The following PCDH15 variants were observed in gnomAD, a reference collection of about 807,000 sequenced individuals.
PCDH15 encodes the protein protocadherin-15.
A neutral mutation model predicts 178.5 loss-of-function variants in PCDH15; 129 were observed. The ratio of observed to expected loss-of-function variants is 0.72; its 90% CI spans 0.63 to 0.84. PCDH15 has a LOEUF of 0.84. Ranked by LOEUF, PCDH15 falls within the 40% of genes least tolerant of loss-of-function variation. The pLI is 0.00. For missense variants in PCDH15, 2,230 were observed against 2,099.9 expected, an observed-to-expected ratio of 1.06 and a Z score of -1.21; for synonymous variants, 800 against 732.0, an observed-to-expected ratio of 1.09 and a Z score of -1.50.
chr10:54,980,953 G>C (rs927174922), intron 2 of PCDH15, among the ~76,000 whole-genome samples: 1 of 151,776 alleles, frequency 6.6e-6, no homozygotes, highest in African/African-American at 2.4e-5. Context: ...TTTAAAACAT[G>C]TATAAAATGA....
chr10:54,779,901 T>C (rs915466838), intron 1 of PCDH15, among the ~76,000 whole-genome samples: 3 of 152,074 alleles, frequency 2.0e-5, no homozygotes, highest in South Asian at 2.1e-4. Context: ...CCAGAAAAGA[T>C]CCTTTTATGA....
At chr10:53,923,635 A>G (rs1352850015) in intron 25 of PCDH15, among the ~76,000 whole-genome samples, 2 of 152,194 alleles carry the variant, frequency 1.3e-5, no homozygotes, top group Admixed American at 1.3e-4. Context: ...TTCCACATAC[A>G]AGCCCTTTAT....
intron 2 of PCDH15, among the ~76,000 whole-genome samples, chr10:55,063,411 C>T (rs1841487486): frequency 6.6e-6 from 1 of 152,002 alleles, no homozygotes. Flanking sequence ...TGTCACTTGT[C>T]AGGGTGGTAG....
intron 2 of PCDH15, among the ~76,000 whole-genome samples, chr10:55,449,798 T>A (rs950073598): frequency 6.6e-6 from 1 of 152,082 alleles, no homozygotes; most frequent in African/African-American, 2.4e-5. Context: ...AACCCTTGGG[T>A]CATAGATTCT....
intron 1 of PCDH15, among the ~76,000 whole-genome samples, chr10:54,697,672 A>G (rs1011809600): frequency 1.5e-3 from 123 of 83,578 alleles, no homozygotes; most frequent in Middle Eastern, 0.013. Flanking sequence ...GGAAGGGGGA[A>G]GGGGAAGGGA....
At chr10:55,188,342 G>A (rs1839853740) in intron 1 of PCDH15, among the ~76,000 whole-genome samples, 2 of 151,464 alleles carry the variant, frequency 1.3e-5, no homozygotes, top group African/African-American at 4.8e-5. Flanking sequence ...AAAAGTAATA[G>A]TTAAAAGAGT....
chr10:53,902,704 G>A (rs370804669), intron 26 of PCDH15, among the ~76,000 whole-genome samples: 4 of 151,916 alleles, frequency 2.6e-5, no homozygotes, highest in African/African-American at 7.2e-5. Flanking sequence ...TTACAACTTT[G>A]GTCTTAGATA....
chr10:55,231,100 C>G (rs931075515), intron 1 of PCDH15, among the ~76,000 whole-genome samples: 1 of 151,882 alleles, frequency 6.6e-6, no homozygotes, highest in Admixed American at 6.6e-5. Context: ...AACTAATATA[C>G]GTAGCCAGAA....
chr10:55,490,515 A>T (rs1442397189), intron 2 of PCDH15, among the ~76,000 whole-genome samples: 1 of 151,806 alleles, frequency 6.6e-6, no homozygotes, highest in Non-Finnish European at 1.5e-5. Context: ...AAGTGACATC[A>T]TTGAATATAT....
At chr10:54,887,007 G>C (rs1388263270) in intron 3 of PCDH15, among the ~76,000 whole-genome samples, 1 of 152,130 alleles carries the variant, frequency 6.6e-6, no homozygotes, top group Non-Finnish European at 1.5e-5. Context: ...GCATGTGTTA[G>C]TTTGGGATAG....
chr10:54,589,498 T>A (rs976525753), intron 2 of PCDH15, among the ~76,000 whole-genome samples: 3 of 152,216 alleles, frequency 2.0e-5, no homozygotes, highest in Non-Finnish European at 4.4e-5. Context: ...TGTTGGCATA[T>A]TATATGAACT....
intron 21 of PCDH15, among the ~76,000 whole-genome samples, chr10:53,971,122 G>T (rs1420064156): frequency 2.0e-5 from 3 of 152,164 alleles, no homozygotes; most frequent in Non-Finnish European, 4.4e-5. Context: ...GGGATGCAAG[G>T]CTGGTTCAAC....
intron 2 of PCDH15, among the ~76,000 whole-genome samples, chr10:55,603,638 C>A (rs1462563753): frequency 6.6e-6 from 1 of 150,872 alleles, no homozygotes; most frequent in Non-Finnish European, 1.5e-5. Context: ...CATATCCAGC[C>A]AAACTAAGCT....
rs2135323462 is a variant in PCDH15, at chr10:54,023,150, CA to C, written c.2267del (p.Leu756TrpfsTer20). On this transcript the variant is annotated frameshift_variant, in exon 19 of 38. Transcript: ENST00000644397. LOFTEE classifies it high-confidence loss of function. ...AGINGQVHYS[L>X]GNFNNLFRIT... ...TACGAAAAAGATTATTAAAGTTACC[CA>C]AACTGTAGTGCACTTGACCATTTAT... is the stretch of plus-strand genomic sequence containing the variant. The C allele has an allele frequency of 6.2e-7, 1 of 1,613,768 alleles. No homozygotes were observed. Among genetic ancestry groups the C allele is most frequent in the Non-Finnish European group, 8.5e-7 (1 of 1,179,870 alleles).
intron 1 of PCDH15, among the ~76,000 whole-genome samples, chr10:55,190,658 A>G (rs1839924403): frequency 6.6e-6 from 1 of 151,754 alleles, no homozygotes; most frequent in Admixed American, 6.6e-5. Context: ...AGATGTTTAG[A>G]ATACCAACTG....
chr10:55,137,637 C>T (rs1362173048), intron 2 of PCDH15, among the ~76,000 whole-genome samples: 1 of 151,312 alleles, frequency 6.6e-6, no homozygotes, highest in Non-Finnish European at 1.5e-5. Context: ...TTAGTTGAAA[C>T]AGGTCAAATA....
intron 2 of PCDH15, among the ~76,000 whole-genome samples, chr10:54,539,756 A>G (rs577675201): frequency 5.3e-4 from 80 of 152,312 alleles, no homozygotes; most frequent in African/African-American, 1.9e-3. Context: ...AAAATCCAAA[A>G]GAAGGTCTTT....
At chr10:54,106,121 C>T (rs2094913610) in intron 15 of PCDH15, among the ~76,000 whole-genome samples, 1 of 152,134 alleles carries the variant, frequency 6.6e-6, no homozygotes, top group South Asian at 2.1e-4. Context: ...TTGCCTAGGA[C>T]TGGTGACTCT....
intron 9 of PCDH15, 112 bp downstream of exon 9, chr10:54,236,711 A>C: frequency 5.4e-6 from 5 of 925,814 alleles, no homozygotes; most frequent in Non-Finnish European, 8.7e-6. Context: ...AAAAGTAACA[A>C]TCATGTCAAA....
Sources: gnomAD v4.1 joint callset for allele counts (sites outside exome capture counted in the v4.1 genomes callset) on GRCh38, gnomAD v4.1.1 for gene constraint, MANE v1.5 for transcripts, NCBI Gene and HGNC (gene_info 2026-07-23, HGNC 2026-07-21) for gene names.